The following COL14A1 variants were observed in gnomAD, a reference collection of about 807,000 sequenced individuals.
COL14A1 encodes the protein collagen alpha-1(XIV) chain.
Under a neutral mutation model 230.3 loss-of-function variants are expected in COL14A1, and 136 were observed. The ratio of observed to expected loss-of-function variants is 0.59; its 90% CI spans 0.51 to 0.68. The LOEUF is 0.68. Ranked by LOEUF, COL14A1 falls within the 30% of genes least tolerant of loss-of-function variation. COL14A1 has a pLI of 0.00. For synonymous variants in COL14A1, 792 were observed against 784.1 expected, an observed-to-expected ratio of 1.01 and a Z score of -0.17; for missense variants, 1,976 against 2,215.8, an observed-to-expected ratio of 0.89 and a Z score of 2.17.
chr8:120,177,212 C>G (rs1183253630), intron 5 of COL14A1, among the ~76,000 whole-genome samples: 1 of 152,122 alleles, frequency 6.6e-6, no homozygotes, highest in Non-Finnish European at 1.5e-5. Flanking sequence ...TGAGCCAAGG[C>G]CTGATGAAAC....
chr8:120,243,555 C>T (rs1360007358), intron 19 of COL14A1, among the ~76,000 whole-genome samples: 1 of 152,172 alleles, frequency 6.6e-6, no homozygotes, highest in Non-Finnish European at 1.5e-5. Context: ...CTCTCCCAAT[C>T]TATAAACACC....
At chr8:120,354,957 C>G (rs1822924954) in intron 45 of COL14A1, among the ~76,000 whole-genome samples, 1 of 147,338 alleles carries the variant, frequency 6.8e-6, no homozygotes, top group East Asian at 1.9e-4. Context: ...GTTACCTCTC[C>G]CCATTAAACC....
At chr8:120,288,602 TA>T (rs1262781999) in intron 33 of COL14A1, among the ~76,000 whole-genome samples, 1 of 152,170 alleles carries the variant, frequency 6.6e-6, no homozygotes, top group East Asian at 1.9e-4. Flanking sequence ...CATGATACCT[TA>T]CCTTAAACAG....
chr8:120,353,532 A>C (rs574302474), intron 45 of COL14A1, among the ~76,000 whole-genome samples: 44 of 149,850 alleles, frequency 2.9e-4, no homozygotes, highest in Admixed American at 2.0e-3. Context: ...ATGAACTCAA[A>C]CAAATTTACA....
intron 5 of COL14A1, among the ~76,000 whole-genome samples, chr8:120,192,122 T>C (rs1371207491): frequency 6.6e-6 from 1 of 152,216 alleles, no homozygotes; most frequent in East Asian, 1.9e-4. Flanking sequence ...CATTAGTTGA[T>C]GCAGTTTCTT....
chr8:120,371,998 C>T lies in COL14A1; in HGVS notation c.*767C>T, dbSNP rs1812172997. The T allele has an allele frequency of 4.9e-6, 1 of 203,546 alleles. No individual in the cohort carries two copies. The allele number at this position is 203,546 out of a possible 1,614,324, so 12.6% of individuals were successfully genotyped here. A position where few individuals can be genotyped will look rare whatever the true frequency, so the allele number is the denominator to read the frequency against. On this transcript the variant is annotated 3_prime_UTR_variant, in exon 48 of 48. Transcript: ENST00000297848. Reference sequence around the variant, plus strand: ...CAGATAAGTTTTCGCAAACCTATTTCCATTTTCTTTTGTAAGCAAATAAAA... The same window carrying T: ...CAGATAAGTTTTCGCAAACCTATTTTCATTTTCTTTTGTAAGCAAATAAAA...
chr8:120,330,214 A>C (rs902984941), intron 40 of COL14A1, among the ~76,000 whole-genome samples: 2 of 152,208 alleles, frequency 1.3e-5, no homozygotes, highest in African/African-American at 4.8e-5. Context: ...TGGTGAGCCC[A>C]CGCATCCCCT....
Position 120,279,935 on chromosome 8 carries a change from G to A in COL14A1, c.3482G>A (p.Gly1161Asp). The A allele has an allele frequency of 1.2e-6, 2 of 1,613,300 alleles. No homozygotes were observed. The highest frequency in any genetic ancestry group is 8.5e-7 in the Non-Finnish European group (1 of 1,179,638). The change falls in exon 29 of 48, where the codon GGC (glycine) becomes GAC (aspartate). Residue 1161 changes from glycine (G) to aspartate (D), a missense_variant and splice_region_variant. Gly to Asp is a moderately conservative substitution (Grantham distance 94). Around this residue, in one of 3 missense-constraint regions of COL14A1, gnomAD observed 1,791 missense variants for 2,019.5 expected, o/e 0.89. Transcript: ENST00000297848. ...NKISREMQLD[G>D]YSIFAIGVAD... is the part of the protein sequence containing the mutation. ...GAAATCTGTTCTCTGTCTGCCACAG[G>A]CTATAGCATTTTTGCAATTGGTGTG...
intron 24 of COL14A1, among the ~76,000 whole-genome samples, chr8:120,266,617 A>G (rs887559371): frequency 6.6e-6 from 1 of 152,060 alleles, no homozygotes; most frequent in Admixed American, 6.6e-5. Context: ...AATGGTGGCA[A>G]AATGGCATTT....
At chr8:120,204,767 T>C (rs1191148139) in intron 9 of COL14A1, among the ~76,000 whole-genome samples, 2 of 152,218 alleles carry the variant, frequency 1.3e-5, no homozygotes, top group Admixed American at 1.3e-4. Context: ...TCCTTGCTAC[T>C]GGACGGTGGT....
At chr8:120,370,356 T>A (rs1246624514) in intron 47 of COL14A1, 1 of 1,612,212 alleles carries the variant, frequency 6.2e-7, no homozygotes, top group Non-Finnish European at 8.5e-7. Flanking sequence ...CTACAATGAT[T>A]ACCAGCACTG....
intron 4 of COL14A1, among the ~76,000 whole-genome samples, chr8:120,167,346 A>G (rs1654252934): frequency 1.4e-5 from 1 of 70,848 alleles, no homozygotes; most frequent in Non-Finnish European, 3.7e-5. Context: ...GCTGATTTCC[A>G]TGAAATGAAT....
chr8:120,124,622 T>C (rs1814256587), upstream of COL14A1, among the ~76,000 whole-genome samples: 1 of 152,180 alleles, frequency 6.6e-6, no homozygotes, highest in South Asian at 2.1e-4. Flanking sequence ...GCCCTTGGAC[T>C]TGTTCACAAG....
intron 22 of COL14A1, among the ~76,000 whole-genome samples, 170 bp from the exon 23 acceptor site, chr8:120,255,070 C>G (rs1819099512): frequency 1.3e-5 from 2 of 152,154 alleles, no homozygotes; most frequent in South Asian, 2.1e-4. Context: ...TCTGTTCTCT[C>G]AAGTCATAAA....
chr8:120,283,541 A>G, intron 31 of COL14A1, 95 bp from the exon 32 acceptor site: 1 of 1,357,878 alleles, frequency 7.4e-7, no homozygotes, highest in Non-Finnish European at 1.0e-6. Context: ...TGTTTTTCCA[A>G]ATCTTGTGTA....
chr8:120,169,679 C>T (rs1816036633), intron 5 of COL14A1, among the ~76,000 whole-genome samples: 1 of 151,842 alleles, frequency 6.6e-6, no homozygotes, highest in Non-Finnish European at 1.5e-5. Flanking sequence ...ATTTTTAATA[C>T]AATTAAAAAA....
rs1388881727 is a variant in COL14A1 at position 120,178,299 on chromosome 8, T to G, written c.436+10052T>G. Among the ~76,000 whole-genome samples, 2 of 152,186 alleles carry G rather than the reference T, an allele frequency of 1.3e-5. 1 individual carries two copies. Among genetic ancestry groups the G allele is most frequent in the Non-Finnish European group, 2.9e-5 (2 of 68,032 alleles). On this transcript the variant is annotated intron_variant, in intron 5 of 47. Transcript: ENST00000297848. ...TGTCCATGTGTTCTCATTGTTCAAC[T>G]CCCACTTATGAGTGAGAACATGCAG...
In COL14A1 at chr8:120,270,036, A is replaced by T. The variant is rs918795564; in HGVS notation, c.3075A>T (p.Val1025=). 3.1e-6 allele frequency: 5 copies of T among 1,610,886 alleles called. No homozygotes were observed. The highest frequency in any genetic ancestry group is 4.2e-6 in the Non-Finnish European group (5 of 1,177,938). Reference sequence around the variant, plus strand: ...TCAAAATTCATTGTTGGTCTTCAGTATGTAAGGCGGCCAAGGCTGACCTGG... The same window carrying T: ...TCAAAATTCATTGTTGGTCTTCAGTTTGTAAGGCGGCCAAGGCTGACCTGG... ...FPPTIPPAKE[V]CKAAKADLVF... Residue 1025 remains valine, a splice_region_variant and synonymous_variant, in exon 26 of 48, where the codon GTA becomes GTT. Coordinates refer to ENST00000297848, the MANE Select transcript of COL14A1 (RefSeq NM_021110.4).
chr8:120,159,557 A>G (rs1815590110), intron 3 of COL14A1, among the ~76,000 whole-genome samples: 1 of 152,186 alleles, frequency 6.6e-6, no homozygotes, highest in South Asian at 2.1e-4. Context: ...ACAGTGAAGG[A>G]GACAGATGCT....
Sources: allele counts gnomAD v4.1 joint callset (sites outside exome capture counted in the v4.1 genomes callset), GRCh38; gene constraint gnomAD v4.1.1; regional missense constraint gnomAD v4.1.1; transcripts MANE v1.5; gene names NCBI Gene and HGNC (gene_info 2026-07-23, HGNC 2026-07-21).